Variants in COL18A1 observed in about 807,000 individuals in gnomAD.
COL18A1 encodes collagen alpha-1(XVIII) chain.
In COL18A1, 133 loss-of-function variants were observed where a neutral mutation model predicts 168.0. The observed-to-expected ratio is 0.79, with a 90% CI of 0.69 to 0.91. The LOEUF (loss-of-function observed/expected upper bound fraction) is 0.91, where lower values mean the gene tolerates loss of function less well. Among genes scored for constraint, COL18A1 ranks in the 40% least tolerant of loss-of-function variants. The pLI, the probability that COL18A1 is intolerant of heterozygous loss-of-function variation, is 0.00. For synonymous variants in COL18A1, 949 were observed against 809.0 expected, an observed-to-expected ratio of 1.17 and a Z score of -2.94; for missense variants, 2,126 against 1,925.4, an observed-to-expected ratio of 1.10 and a Z score of -1.95.
intron 2 of COL18A1, among the ~76,000 whole-genome samples, chr21:45,452,980 A>G (rs906146668): frequency 3.3e-5 from 5 of 151,166 alleles, no homozygotes; most frequent in African/African-American, 9.8e-5. Context: ...ATGCATGAGT[A>G]TTCACATGTG....
chr21:45,429,130 C>T (rs540419466), intron 2 of COL18A1, among the ~76,000 whole-genome samples: 73 of 152,130 alleles, frequency 4.8e-4, no homozygotes, highest in African/African-American at 1.6e-3. Flanking sequence ...CTCGATCTTC[C>T]GACCTTGTGA....
rs1206824802 is a variant in COL18A1 at position 45,510,206 on chromosome 21, T to C, written c.3638T>C (p.Leu1213Pro). Residue 1213 changes from leucine (L) to proline (P), a missense_variant, in exon 40 of 42, where the codon CTG becomes CCG. Coordinates refer to ENST00000651438, the MANE Select transcript of COL18A1 (RefSeq NM_001379500.1). The part of the protein sequence containing the change: ...RAFLSSRLQD[L>P]YSIVRRADRA... ...TTCCTGTCCTCGCGCCTGCAGGACCTGTACAGCATCGTGCGCCGTGCCGAC... is the reference window on the plus strand; with the variant it reads ...TTCCTGTCCTCGCGCCTGCAGGACCCGTACAGCATCGTGCGCCGTGCCGAC... 2.5e-6 allele frequency: 4 copies of C among 1,604,128 alleles called. No individual in the cohort carries two copies. Among genetic ancestry groups the C allele is most frequent in the Non-Finnish European group, 3.4e-6 (4 of 1,176,182 alleles).
At chr21:45,503,283 T>C (rs1394475365) in intron 32 of COL18A1, among the ~76,000 whole-genome samples, 2 of 152,040 alleles carry the variant, frequency 1.3e-5, no homozygotes, top group African/African-American at 4.8e-5. Context: ...TGAGATGGTA[T>C]CTCATTGTGG....
At chr21:45,409,073 C>A (rs568340953) in intron 2 of COL18A1, among the ~76,000 whole-genome samples, 90 of 56,394 alleles carry the variant, frequency 1.6e-3, no homozygotes, top group African/African-American at 7.6e-3. Flanking sequence ...CCATGGCCCT[C>A]ACCCCACCCC....
intron 3 of COL18A1, among the ~76,000 whole-genome samples, chr21:45,470,957 G>A (rs572262524): frequency 1.1e-4 from 16 of 150,806 alleles, no homozygotes; most frequent in South Asian, 2.1e-4. Flanking sequence ...GCAGCAGGCC[G>A]TGTGCTGCTG....
At chr21:45,434,196 C>G (rs2034038731) in intron 2 of COL18A1, among the ~76,000 whole-genome samples, 1 of 144,016 alleles carries the variant, frequency 6.9e-6, no homozygotes, top group Non-Finnish European at 1.5e-5. Flanking sequence ...AGTGGCTTCA[C>G]CGGGGGGTGG....
At position 45,457,780 on chromosome 21, in the gene COL18A1, G is replaced by A. The variant is rs577470685; in HGVS notation, c.107-10462G>A. ...CCTCTGCTGTCCTCCCCATAGTGCCGAGGGGAAGCAGCCTTGCTGTTTGCT... is the reference window on the plus strand; with the variant it reads ...CCTCTGCTGTCCTCCCCATAGTGCCAAGGGGAAGCAGCCTTGCTGTTTGCT... On this transcript the variant is annotated intron_variant, in intron 2 of 41. Coordinates refer to ENST00000651438, the MANE Select transcript of COL18A1 (RefSeq NM_001379500.1). This position sits in a 1 kb window ranked among gnomAD's most constrained non-coding sequence, Gnocchi z 4.6. Among the ~76,000 whole-genome samples the A allele has an allele frequency of 1.6e-4, 25 of 152,302 alleles. 1 individual carries two copies. The highest frequency in any genetic ancestry group is 7.2e-4 in the Admixed American group (11 of 15,308).
chr21:45,456,726 G>A (rs1159387159), intron 2 of COL18A1: 7 of 1,533,292 alleles, frequency 4.6e-6, no homozygotes, highest in Non-Finnish European at 4.4e-6. Context: ...CCATGCGGCA[G>A]CGTCCCGCCG....
rs569502223 is a variant in COL18A1 at position 45,501,591 on chromosome 21, C to T, written c.2684-2420C>T. Among the ~76,000 whole-genome samples, 5 of 152,262 alleles carry T rather than the reference C, an allele frequency of 3.3e-5. No individual in the cohort carries two copies. The East Asian group carries it at 7.7e-4, about 23-fold the overall frequency. On this transcript the variant is annotated intron_variant, in intron 32 of 41. Transcript: ENST00000651438. ...TAGGTGCGTCCAGGGCATCCTCAGC[C>T]CTCACACTGCAGCCGCAGGGGCCTT...
At position 45,431,442 on chromosome 21, in the gene COL18A1, C is replaced by T. The variant is rs1186168511; in HGVS notation, c.106+25969C>T. 2.0e-5 allele frequency among the ~76,000 whole-genome samples: 2 copies of T among 99,430 alleles called. 1 individual carries two copies. The highest frequency in any genetic ancestry group is 8.3e-4 in the South Asian group (2 of 2,424). 65.2% of individuals were successfully genotyped at this position (99,430 alleles called of 152,430 possible). ...CCAGGGGAGGTGGGCAGGCAGGACC[C>T]GGCGGCCCAGGGGAGGGGGGCAGGC... On this transcript the variant is annotated intron_variant, in intron 2 of 41. Coordinates refer to ENST00000651438, the MANE Select transcript of COL18A1 (RefSeq NM_001379500.1).
chr21:45,490,335 G>A lies in COL18A1; in HGVS notation c.2020G>A (p.Ala674Thr), dbSNP rs1315347303. 6.3e-7 allele frequency: 1 copy of A among 1,581,592 alleles called. No individual in the cohort carries two copies. Among genetic ancestry groups the A allele is most frequent in the Admixed American group, 1.8e-5 (1 of 55,076 alleles). Residue 674 changes from alanine to threonine, a missense_variant, in exon 20 of 42, where the codon GCT (alanine) becomes ACT (threonine). Physicochemically the swap from Ala to Thr is moderately conservative, Grantham distance 58. Coordinates refer to ENST00000651438, the MANE Select transcript of COL18A1 (RefSeq NM_001379500.1). ...FPGLPGREGI[A>T]GPQGPKGDRG... ...CGGCCTCCCTGGCAGAGAGGGCATT[G>A]CTGGGCCCCAGGTGAGTTGCCTTGG...
chr21:45,493,172 G>C lies in COL18A1; in HGVS notation c.2224G>C (p.Gly742Arg). 1 of 1,559,610 alleles carries C rather than the reference G, an allele frequency of 6.4e-7. No individual in the cohort carries two copies. The highest frequency in any genetic ancestry group is 8.7e-7 in the Non-Finnish European group (1 of 1,151,834). The part of the protein sequence containing the change: ...PGFAGFPGPA[G>R]PKGNLGSKGE... Reference sequence around the variant, plus strand: ...CTGGCCTCCATTCCAGGGACCTGCAGGACCCAAGGGCAACCTGGGCTCTAA... The same window carrying C: ...CTGGCCTCCATTCCAGGGACCTGCACGACCCAAGGGCAACCTGGGCTCTAA... The change falls in exon 25 of 42, where the codon GGA (glycine) becomes CGA (arginine). Residue 742 changes from glycine to arginine, a missense_variant. Physicochemically the swap from Gly to Arg is moderately radical, Grantham distance 125 (BLOSUM62 -2). Transcript: ENST00000651438.
chr21:45,509,316 G>A (rs763335204), intron 38 of COL18A1, 40 bp from the exon 39 acceptor site: 3 of 1,537,250 alleles, frequency 2.0e-6, no homozygotes, highest in Admixed American at 3.9e-5. Context: ...GGCACCCGGA[G>A]GGTCCCCCCG....
intron 19 of COL18A1, 112 bp downstream of exon 19, chr21:45,489,633 CTTTG>C: frequency 2.9e-6 from 2 of 698,796 alleles, no homozygotes; most frequent in South Asian, 1.9e-5. Flanking sequence ...CCTGCCACTG[CTTTG>C]TTTCTTTATA....
intron 2 of COL18A1, chr21:45,421,231 T>TG (rs2123544595): frequency 2.8e-6 from 1 of 361,082 alleles, no homozygotes; most frequent in African/African-American, 2.1e-5. Flanking sequence ...CCCCCATAGG[T>TG]GCTTGCTTTG....
At chr21:45,477,612 G>C (rs535846478) in intron 7 of COL18A1, 125 bp downstream of exon 7, 1 of 1,271,672 alleles carries the variant, frequency 7.9e-7, no homozygotes, top group East Asian at 2.5e-5. Flanking sequence ...CCCAGCACTC[G>C]GTGCCAGCAT....
Position 45,511,064 on chromosome 21 carries a change from CCACACCCCCACACACCACACACACATA to C in COL18A1, c.3694-41_3694-15del. 3.7e-6 allele frequency: 3 copies of C among 804,490 alleles called. No homozygotes were observed. Among genetic ancestry groups the C allele is most frequent in the Non-Finnish European group, 5.7e-6 (3 of 526,280 alleles). The allele number at this position is 804,490 out of a possible 1,614,324, so 49.8% of individuals were successfully genotyped here. On this transcript the variant is annotated intron_variant, in intron 40 of 41. Transcript: ENST00000651438. ...CCCCCCCACAAACACCCACACCCAT[CCACACCCCCACACACCACACACACATA>C]CACACGGTTTCTCTTCCAGGACGAG...
intron 15 of COL18A1, among the ~76,000 whole-genome samples, chr21:45,483,842 C>T (rs930405062): frequency 2.6e-5 from 4 of 152,152 alleles, no homozygotes; most frequent in South Asian, 4.1e-4. Flanking sequence ...AGGACATGGG[C>T]TGGGAGTGAA....
chr21:45,511,649 C>T (rs2037614530), intron 41 of COL18A1, among the ~76,000 whole-genome samples: 2 of 152,278 alleles, frequency 1.3e-5, no homozygotes, highest in South Asian at 4.2e-4. Context: ...AACGCTTCGT[C>T]CCAAATGTCG....
Sources: allele counts gnomAD v4.1 joint callset (sites outside exome capture counted in the v4.1 genomes callset), GRCh38; gene constraint gnomAD v4.1.1; non-coding constraint Gnocchi (gnomAD v3.1); transcripts MANE v1.5; gene names NCBI Gene and HGNC (gene_info 2026-07-23, HGNC 2026-07-21).